Variants in BRD7 observed in about 807,000 individuals in gnomAD.
BRD7 encodes bromodomain-containing protein 7.
A neutral mutation model predicts 82.1 loss-of-function variants in BRD7; 15 were observed. The observed-to-expected ratio is 0.18, with a 90% CI of 0.12 to 0.28. The LOEUF is 0.28. Ranked by LOEUF, BRD7 falls within the 10% of genes least tolerant of loss-of-function variation. BRD7 has a pLI of 1.00. For synonymous variants in BRD7, 232 were observed against 266.9 expected, an observed-to-expected ratio of 0.87 and a Z score of 1.27; for missense variants, 638 against 779.9, an observed-to-expected ratio of 0.82 and a Z score of 2.17.
At position 50,368,735 on chromosome 16, in the gene BRD7, G is replaced by C; in HGVS notation, c.40C>G (p.Leu14Val). The C allele has an allele frequency of 6.4e-7, 1 of 1,557,278 alleles. No homozygotes were observed. Among genetic ancestry groups the C allele is most frequent in the Non-Finnish European group, 8.7e-7 (1 of 1,153,498 alleles). Residue 14 changes from leucine (L) to valine (V), a missense_variant, in exon 1 of 17, where the codon CTC becomes GTC. Around this residue, in one of 3 missense-constraint regions of BRD7, gnomAD observed 172 missense variants for 155.3 expected, o/e 1.11. Transcript: ENST00000394688. ...CCGGCCCCCTCCTCACCCTCGTAGAGGTGTTTGTCCGACTTGTGCTTCTTG... is the reference window on the plus strand; with the variant it reads ...CCGGCCCCCTCCTCACCCTCGTAGACGTGTTTGTCCGACTTGTGCTTCTTG... ...KHKKHKSDKH[L>V]YEEYVEKPLK... is the part of the protein sequence containing the mutation.
At chr16:50,337,590 G>A (rs1369532182) in intron 6 of BRD7, among the ~76,000 whole-genome samples, 1 of 152,000 alleles carries the variant, frequency 6.6e-6, no homozygotes, top group African/African-American at 2.4e-5. Flanking sequence ...AAAATAACAC[G>A]TCTACTAATA....
intron 12 of BRD7, among the ~76,000 whole-genome samples, chr16:50,322,792 T>A (rs1163058524): frequency 6.6e-6 from 1 of 152,226 alleles, no homozygotes; most frequent in African/African-American, 2.4e-5. Context: ...AAAAAATATG[T>A]ATTTTTTAAA....
chr16:50,319,828 T>A (rs1161059425), intron 16 of BRD7, 59 bp downstream of exon 16: 3 of 1,563,224 alleles, frequency 1.9e-6, no homozygotes, highest in Non-Finnish European at 2.6e-6. Context: ...GGGCAGACAC[T>A]GAGGGATGAC....
In BRD7 at chr16:50,368,935, G is replaced by C. The variant is rs908071948; in HGVS notation, c.-161C>G. On this transcript the variant is annotated 5_prime_UTR_variant, in exon 1 of 17. Coordinates refer to ENST00000394688, the MANE Select transcript of BRD7 (RefSeq NM_013263.5). ...CGCCGGGCGGCGCGATGCCCCTCTC[G>C]AGAAGACGGCGCGCGAGACCCGGCC... is the stretch of plus-strand genomic sequence containing the variant. 9.5e-6 allele frequency: 2 copies of C among 211,372 alleles called. No individual in the cohort carries two copies. Among genetic ancestry groups the C allele is most frequent in the Non-Finnish European group, 1.6e-5 (2 of 125,176 alleles). The allele number at this position is 211,372 out of a possible 1,614,324, so 13.1% of individuals were successfully genotyped here.
At chr16:50,366,849 T>C (rs1163125911) in intron 2 of BRD7, among the ~76,000 whole-genome samples, 1 of 152,222 alleles carries the variant, frequency 6.6e-6, no homozygotes, top group African/African-American at 2.4e-5. Context: ...AGAGGGAGTC[T>C]ATGTGAAGGA....
chr16:50,354,940 AGAT>A lies in BRD7; in HGVS notation c.259-21_259-19del. ...TTATCCTCCTAAATGGAACAAAGGGAGATAATTTAGAAATATTTCAGAACCAAT... is the reference window on the plus strand; with the variant it reads ...TTATCCTCCTAAATGGAACAAAGGGAAATTTAGAAATATTTCAGAACCAAT... On this transcript the variant is annotated intron_variant, in intron 2 of 16. Transcript: ENST00000394688. 1 of 1,606,940 alleles carries A rather than the reference AGAT, an allele frequency of 6.2e-7. No individual in the cohort carries two copies. The highest frequency in any genetic ancestry group is 8.5e-7 in the Non-Finnish European group (1 of 1,177,464).
In BRD7 at chr16:50,328,650, A is replaced by C; in HGVS notation, c.1087+19T>G. 6.2e-7 allele frequency: 1 copy of C among 1,601,200 alleles called. No homozygotes were observed. The stretch of plus-strand genomic sequence containing the variant: ...GCCAAATAGCATCAAGTTCATGCAC[A>C]GTTTTACTCTGATCCTACCTCCTAC... On this transcript the variant is annotated intron_variant, in intron 9 of 16. Transcript: ENST00000394688.
chr16:50,319,458 C>A (rs1325934971), intron 16 of BRD7, among the ~76,000 whole-genome samples, 192 bp from the exon 17 acceptor site: 2 of 152,114 alleles, frequency 1.3e-5, no homozygotes, highest in East Asian at 3.8e-4. Flanking sequence ...TTTATTAATT[C>A]TTTAGACAAG....
intron 5 of BRD7, among the ~76,000 whole-genome samples, chr16:50,344,633 TA>T (rs771930462): frequency 6.6e-6 from 1 of 152,152 alleles, no homozygotes; most frequent in Non-Finnish European, 1.5e-5. Context: ...CAAGTTTCAG[TA>T]GCCGATTTGA....
At chr16:50,324,748 C>A (rs529408904) in intron 11 of BRD7, among the ~76,000 whole-genome samples, 2 of 152,342 alleles carry the variant, frequency 1.3e-5, no homozygotes, top group East Asian at 1.9e-4. Context: ...TCCTTCTCTG[C>A]TGCTTTACCT....
intron 2 of BRD7, among the ~76,000 whole-genome samples, 166 bp from the exon 3 acceptor site, chr16:50,355,088 T>A (rs561286006): frequency 6.6e-6 from 1 of 152,128 alleles, no homozygotes; most frequent in Admixed American, 6.5e-5. Context: ...AATAATACGT[T>A]CACGAAGGAA....
At chr16:50,338,273 G>A (rs1252030631) in intron 6 of BRD7, among the ~76,000 whole-genome samples, 2 of 152,184 alleles carry the variant, frequency 1.3e-5, no homozygotes, top group Non-Finnish European at 2.9e-5. Context: ...GTCAAAGATG[G>A]GTAACTGGCT....
intron 2 of BRD7, among the ~76,000 whole-genome samples, chr16:50,367,695 A>C (rs1457833599): frequency 1.3e-5 from 2 of 152,238 alleles, no homozygotes; most frequent in Admixed American, 6.5e-5. Context: ...CAGATTTGGC[A>C]TTATAATATT....
intron 9 of BRD7, among the ~76,000 whole-genome samples, chr16:50,327,579 T>C (rs2037392247): frequency 6.6e-6 from 1 of 152,218 alleles, no homozygotes; most frequent in African/African-American, 2.4e-5. Context: ...ATAGTCCCCT[T>C]CTTTCCATCT....
intron 2 of BRD7, among the ~76,000 whole-genome samples, chr16:50,362,305 T>A (rs2038963721): frequency 6.6e-6 from 1 of 152,188 alleles, no homozygotes; most frequent in Non-Finnish European, 1.5e-5. Flanking sequence ...CTCTTTCAGA[T>A]TAAAGACCTC....
chr16:50,331,846 T>C (rs1475515271), intron 8 of BRD7, among the ~76,000 whole-genome samples: 1 of 152,132 alleles, frequency 6.6e-6, no homozygotes, highest in Non-Finnish European at 1.5e-5. Flanking sequence ...GCCACATACA[T>C]ACAACCGACT....
At chr16:50,345,690 A>T (rs1407041185) in intron 5 of BRD7, among the ~76,000 whole-genome samples, 2 of 152,092 alleles carry the variant, frequency 1.3e-5, no homozygotes, top group African/African-American at 4.8e-5. Context: ...ACATAATGGT[A>T]AAGGGATCAA....
intron 4 of BRD7, 83 bp downstream of exon 4, chr16:50,354,342 G>A: frequency 8.6e-7 from 1 of 1,161,742 alleles, no homozygotes; most frequent in Non-Finnish European, 1.3e-6. Flanking sequence ...ACGTATGTTT[G>A]GAGTTAGGCA....
intron 4 of BRD7, among the ~76,000 whole-genome samples, chr16:50,352,947 A>G (rs1040732513): frequency 3.9e-5 from 6 of 152,210 alleles, no homozygotes; most frequent in Non-Finnish European, 7.3e-5. Context: ...GTAAATTGCA[A>G]TGGAATACCC....
Sources: gnomAD v4.1 joint callset for allele counts (sites outside exome capture counted in the v4.1 genomes callset) on GRCh38, gnomAD v4.1.1 for gene constraint, gnomAD v4.1.1 regional missense constraint, MANE v1.5 for transcripts, NCBI Gene and HGNC (gene_info 2026-07-23, HGNC 2026-07-21) for gene names.